Variants in RAB11FIP3 observed in about 807,000 individuals in gnomAD.
RAB11FIP3 encodes the protein RAB11 family interacting protein 3.
A neutral mutation model predicts 77.8 loss-of-function variants in RAB11FIP3; 17 were observed. That is an observed-to-expected ratio of 0.22 (90% CI 0.15 to 0.33). The LOEUF is 0.33. RAB11FIP3 is among the 10% of genes least tolerant of loss of function. The pLI, the probability that RAB11FIP3 is intolerant of heterozygous loss-of-function variation, is 1.00. For missense variants in RAB11FIP3, 1,005 were observed against 1,011.2 expected, an observed-to-expected ratio of 0.99 and a Z score of 0.08; for synonymous variants, 437 against 448.2, an observed-to-expected ratio of 0.98 and a Z score of 0.31.
Position 492,520 on chromosome 16 carries a change from C to CG in RAB11FIP3, c.1265+3523dup, listed in dbSNP as rs1555505366. On this transcript the variant is annotated intron_variant, in intron 5 of 13. Coordinates refer to ENST00000262305, the MANE Select transcript of RAB11FIP3 (RefSeq NM_014700.4). ...GACCCGAGGCCGCCCAGGGCCCTCC[C>CG]GGGAGACCCGAGGCCGTCCAGAATC... is the stretch of plus-strand genomic sequence containing the variant. 9.2e-4 allele frequency among the ~76,000 whole-genome samples: 127 copies of CG among 138,376 alleles called. 5 individuals carry two copies. Among genetic ancestry groups the CG allele is most frequent in the African/African-American group, 2.8e-3 (103 of 36,826 alleles). 90.8% of individuals were successfully genotyped at this position (138,376 alleles called of 152,430 possible).
rs1299191353 is a variant in RAB11FIP3, at chr16:426,643, G to A, written c.637G>A (p.Ala213Thr). The part of the protein sequence containing the change: ...DGPRLRAVFD[A>T]LDGDGDGFVR... Reference sequence around the variant, plus strand: ...CCCCCGCCTCCGAGCCGTGTTCGATGCCCTGGACGGGGATGGGGACGGTTT... The same window carrying A: ...CCCCCGCCTCCGAGCCGTGTTCGATACCCTGGACGGGGATGGGGACGGTTT... The change falls in exon 1 of 14, where the codon GCC becomes ACC. Residue 213 changes from alanine to threonine, a missense_variant. By Grantham distance (58) the Ala-to-Thr change is moderately conservative. Coordinates refer to ENST00000262305, the MANE Select transcript of RAB11FIP3 (RefSeq NM_014700.4). This position sits in a 1 kb window ranked among gnomAD's most constrained non-coding sequence, Gnocchi z 5.0. 21 of 1,584,004 alleles carry A rather than the reference G, an allele frequency of 1.3e-5. No homozygotes were observed. The highest frequency in any genetic ancestry group is 1.8e-5 in the Non-Finnish European group (21 of 1,166,424).
In RAB11FIP3 at chr16:445,731, G is replaced by A. The variant is rs1177321855; in HGVS notation, c.715-15673G>A. On this transcript the variant is annotated intron_variant, in intron 1 of 13. Transcript: ENST00000262305. ...CAGAAAATCTGGGAGCCACAGATTA[G>A]AACCTTCCTCCAGGCACTCACCATT... Among the ~76,000 whole-genome samples the A allele has an allele frequency of 4.6e-5, 7 of 152,030 alleles. No homozygotes were observed. The Middle Eastern group carries it at 0.01, about 222-fold the overall frequency.
intron 2 of RAB11FIP3, among the ~76,000 whole-genome samples, chr16:466,210 C>T (rs533033360): frequency 1.3e-5 from 2 of 152,116 alleles, no homozygotes; most frequent in Non-Finnish European, 2.9e-5. Flanking sequence ...AGATGTGTTC[C>T]CTCGGGAGTC....
Position 461,539 on chromosome 16 carries a change from C to A in RAB11FIP3, c.808+42C>A. 1 of 1,511,496 alleles carries A rather than the reference C, an allele frequency of 6.6e-7. No homozygotes were observed. Among genetic ancestry groups the A allele is most frequent in the South Asian group, 1.1e-5 (1 of 88,640 alleles). The allele number at this position is 1,511,496 out of a possible 1,614,324, so 93.6% of individuals were successfully genotyped here. ...ATGAGCTCCCACCTCCTCTCCCGTT[C>A]CTCAGCCACCCTCTCAGCCACCTGC... On this transcript the variant is annotated intron_variant, in intron 2 of 13. Transcript: ENST00000262305. The surrounding 1 kb of genome is among the most constrained non-coding windows in gnomAD (Gnocchi z 4.5).
chr16:495,872 T>G (rs2031079899), intron 5 of RAB11FIP3, among the ~76,000 whole-genome samples: 3 of 152,174 alleles, frequency 2.0e-5, no homozygotes, highest in African/African-American at 7.2e-5. Context: ...TGTCCCAGCC[T>G]CCCGAGTAGC....
chr16:505,159 A>G lies in RAB11FIP3; in HGVS notation c.1396-365A>G, dbSNP rs373878916. 5.3e-4 allele frequency among the ~76,000 whole-genome samples: 81 copies of G among 151,708 alleles called. No individual in the cohort carries two copies. The highest frequency in any genetic ancestry group is 3.3e-3 in the South Asian group (16 of 4,780). On this transcript the variant is annotated intron_variant, in intron 7 of 13. Coordinates refer to ENST00000262305, the MANE Select transcript of RAB11FIP3 (RefSeq NM_014700.4). This position sits in a 1 kb window ranked among gnomAD's most constrained non-coding sequence, Gnocchi z 4.0. ...ATGGATCTGTCTGTCCCTTGCATCCATGGGCACCTGGGCTGCCTCTGTGAG... is the reference window on the plus strand; with the variant it reads ...ATGGATCTGTCTGTCCCTTGCATCCGTGGGCACCTGGGCTGCCTCTGTGAG...
chr16:510,960 G>A (rs534013226), intron 9 of RAB11FIP3, among the ~76,000 whole-genome samples, 160 bp downstream of exon 9: 1 of 133,980 alleles, frequency 7.5e-6, no homozygotes, highest in Non-Finnish European at 1.6e-5. Flanking sequence ...GAAGTTCCCC[G>A]AAAGTCCGCC....
rs1348070414 is a variant in RAB11FIP3 at position 437,260 on chromosome 16, A to G, written c.714+10540A>G. On this transcript the variant is annotated intron_variant, in intron 1 of 13. Transcript: ENST00000262305. ...GCCACTGCACTCCAGCCTGGGCGAC[A>G]GAGGGAGACTCTGTCTCAGAAAAAA... Among the ~76,000 whole-genome samples, 6 of 149,616 alleles carry G rather than the reference A, an allele frequency of 4.0e-5. No individual in the cohort carries two copies. In the South Asian group the frequency reaches 1.3e-3, roughly 31 times the overall value.
chr16:445,590 G>T (rs1320363953), intron 1 of RAB11FIP3, among the ~76,000 whole-genome samples: 1 of 152,290 alleles, frequency 6.6e-6, no homozygotes, highest in African/African-American at 2.4e-5. Flanking sequence ...GGTCTGGTAT[G>T]GGGGGATGAG....
rs184462463 is a variant in RAB11FIP3, at chr16:437,335, G to A, written c.714+10615G>A. On this transcript the variant is annotated intron_variant, in intron 1 of 13. Coordinates refer to ENST00000262305, the MANE Select transcript of RAB11FIP3 (RefSeq NM_014700.4). ...TGTAATCCTAGCACTTTGGGAGGCC[G>A]AGGCGGGCGGATCACCTGAGGTCAG... 4.5e-4 allele frequency among the ~76,000 whole-genome samples: 68 copies of A among 151,906 alleles called. 1 individual carries two copies. Among genetic ancestry groups the A allele is most frequent in the Non-Finnish European group, 1.0e-4 (7 of 67,960 alleles).
chr16:490,097 T>C (rs943433920), intron 5 of RAB11FIP3, among the ~76,000 whole-genome samples: 8 of 152,246 alleles, frequency 5.3e-5, no homozygotes, highest in Non-Finnish European at 1.0e-4. Flanking sequence ...TGTCCCTGTC[T>C]CCTGTTCAGT....
chr16:521,608 G>T lies in RAB11FIP3; in HGVS notation c.*769G>T, dbSNP rs2032692020. 6.6e-6 allele frequency: 1 copy of T among 152,470 alleles called. No homozygotes were observed. The highest frequency in any genetic ancestry group is 2.1e-4 in the South Asian group (1 of 4,838). The allele number at this position is 152,470 out of a possible 1,614,324, so 9.4% of individuals were successfully genotyped here. On this transcript the variant is annotated 3_prime_UTR_variant, in exon 14 of 14. Transcript: ENST00000262305. ...ATGGGGGCCGGGCAGGAGCCTCTGG[G>T]GCCTCCACTCCGACATCAGGACCTG...
chr16:436,838 T>C (rs2055138328), intron 1 of RAB11FIP3, among the ~76,000 whole-genome samples: 1 of 152,166 alleles, frequency 6.6e-6, no homozygotes, highest in Admixed American at 6.5e-5. Context: ...CAAGCAGTCC[T>C]CCTAGTGTTG....
intron 9 of RAB11FIP3, among the ~76,000 whole-genome samples, chr16:518,342 A>G (rs1055139578): frequency 6.6e-6 from 1 of 152,180 alleles, no homozygotes; most frequent in African/African-American, 2.4e-5. Flanking sequence ...TGGCCTCCCA[A>G]AGTGTTGGGA....
intron 7 of RAB11FIP3, among the ~76,000 whole-genome samples, chr16:503,966 ACCC>A (rs1348862346): frequency 7.2e-5 from 1 of 13,896 alleles, no homozygotes; most frequent in Non-Finnish European, 1.1e-4. Context: ...CTCCTCCTGT[ACCC>A]CCTCACCACC....
chr16:431,297 G>T (rs2055031391), intron 1 of RAB11FIP3, among the ~76,000 whole-genome samples: 1 of 152,086 alleles, frequency 6.6e-6, no homozygotes, highest in African/African-American at 2.4e-5. Flanking sequence ...ATGAAGCTTG[G>T]GTTGTATAAA....
intron 2 of RAB11FIP3, among the ~76,000 whole-genome samples, chr16:469,063 A>T (rs1052518306): frequency 1.3e-5 from 2 of 151,360 alleles, no homozygotes; most frequent in East Asian, 3.9e-4. Context: ...TTTTTAATTT[A>T]TTATTATTAT....
At chr16:462,539 C>G (rs930363458) in intron 2 of RAB11FIP3, among the ~76,000 whole-genome samples, 2 of 152,126 alleles carry the variant, frequency 1.3e-5, no homozygotes, top group Non-Finnish European at 2.9e-5. Context: ...CCGTGCCTGG[C>G]CAGTTTCACC....
In RAB11FIP3 at chr16:487,627, C is replaced by G. The variant is rs561708728; in HGVS notation, c.1116-1224C>G. Among the ~76,000 whole-genome samples the G allele has an allele frequency of 2.8e-4, 42 of 152,332 alleles. No individual in the cohort carries two copies. The South Asian group carries it at 8.7e-3, about 32-fold the overall frequency. On this transcript the variant is annotated intron_variant, in intron 4 of 13. Coordinates refer to ENST00000262305, the MANE Select transcript of RAB11FIP3 (RefSeq NM_014700.4). ...TCGCCTCACTCTGCCAGGCCCCTTT[C>G]TTTCCTGGAGTGGAGCAGCGCCGGG... is the stretch of plus-strand genomic sequence containing the variant.
Sources: gnomAD v4.1 joint callset for allele counts (sites outside exome capture counted in the v4.1 genomes callset) on GRCh38, gnomAD v4.1.1 for gene constraint, Gnocchi (gnomAD v3.1) non-coding constraint, MANE v1.5 for transcripts, NCBI Gene and HGNC (gene_info 2026-07-23, HGNC 2026-07-21) for gene names.